Variants in PACRG observed in about 807,000 individuals in gnomAD.
PACRG encodes parkin coregulated gene protein.
A neutral mutation model predicts 29.7 loss-of-function variants in PACRG; 29 were observed. That is an observed-to-expected ratio of 0.98 (90% CI 0.73 to 1.33). The LOEUF is 1.33. PACRG is among the 40% of genes most tolerant of loss of function. PACRG has a pLI of 0.00. For missense variants in PACRG, 279 were observed against 316.2 expected (o/e 0.88, Z 0.89); for synonymous variants, 116 against 118.7 (o/e 0.98, Z 0.15).
chr6:163,004,341 G>C (rs1408954489), intron 2 of PACRG, among the ~76,000 whole-genome samples: 1 of 151,748 alleles, frequency 6.6e-6, no homozygotes. Flanking sequence ...GCCTGAGACT[G>C]GGTAATTTAT....
At chr6:163,269,732 C>T (rs1783662267) in intron 4 of PACRG, among the ~76,000 whole-genome samples, 1 of 140,288 alleles carries the variant, frequency 7.1e-6, no homozygotes, top group South Asian at 2.3e-4. Context: ...GAGAATACCA[C>T]TGAGGGGGAA....
At chr6:162,832,348 CT>C (rs1788854769) in intron 2 of PACRG, among the ~76,000 whole-genome samples, 1 of 151,956 alleles carries the variant, frequency 6.6e-6, no homozygotes, top group Non-Finnish European at 1.5e-5. Flanking sequence ...TTGCCCACTT[CT>C]TAATGGGGTT....
chr6:163,033,666 T>C (rs1807880502), intron 2 of PACRG, among the ~76,000 whole-genome samples: 1 of 152,166 alleles, frequency 6.6e-6, no homozygotes, highest in Non-Finnish European at 1.5e-5. Context: ...TATAAATACA[T>C]AGAAAGATAA....
At chr6:162,806,524 C>T (rs907235989) in intron 1 of PACRG, among the ~76,000 whole-genome samples, 1 of 152,098 alleles carries the variant, frequency 6.6e-6, no homozygotes, top group African/African-American at 2.4e-5. Context: ...ACATTCATCT[C>T]CTTGTACATC....
In PACRG at chr6:163,177,710, A is replaced by ATTTTTTTTTTTTTTTT. The variant is rs398003265; in HGVS notation, c.613+88314_613+88329dup. On this transcript the variant is annotated intron_variant, in intron 4 of 4. Coordinates refer to ENST00000366888, the MANE Select transcript of PACRG (RefSeq NM_001080379.2). ...TGTTAGCTAAGAAATTAGAAAAGGG[A>ATTTTTTTTTTTTTTTT]TTTTTTTTTTTTTTTTTTTTTTTTT... Among the ~76,000 whole-genome samples, 534 of 53,746 alleles carry ATTTTTTTTTTTTTTTT rather than the reference A, an allele frequency of 9.9e-3. 115 individuals carry two copies. The highest frequency in any genetic ancestry group is 0.018 in the South Asian group (15 of 834). The allele number at this position is 53,746 out of a possible 152,430, so 35.3% of individuals were successfully genotyped here.
intron 4 of PACRG, among the ~76,000 whole-genome samples, chr6:163,281,873 TG>T (rs768346215): frequency 1.1e-4 from 16 of 152,204 alleles, no homozygotes; most frequent in Non-Finnish European, 2.1e-4. Context: ...ACCGATATCT[TG>T]ACAGCATTCT....
chr6:163,261,192 C>A (rs188295165), intron 4 of PACRG, among the ~76,000 whole-genome samples: 5 of 152,244 alleles, frequency 3.3e-5, no homozygotes, highest in African/African-American at 9.6e-5. Flanking sequence ...CCTCTTCTGC[C>A]CTCAGCTTAG....
chr6:163,181,293 G>A (rs1305360336), intron 4 of PACRG, among the ~76,000 whole-genome samples: 1 of 152,174 alleles, frequency 6.6e-6, no homozygotes, highest in Non-Finnish European at 1.5e-5. Context: ...GAAACAGGCA[G>A]CCTAGGAACT....
At chr6:163,018,963 T>G (rs1276645714) in intron 2 of PACRG, among the ~76,000 whole-genome samples, 2 of 152,214 alleles carry the variant, frequency 1.3e-5, no homozygotes, top group Admixed American at 1.3e-4. Flanking sequence ...TCTGTTATGA[T>G]TACTTTGTCT....
At chr6:162,908,749 G>A (rs1227715123) in intron 2 of PACRG, among the ~76,000 whole-genome samples, 2 of 152,194 alleles carry the variant, frequency 1.3e-5, no homozygotes, top group African/African-American at 4.8e-5. Flanking sequence ...GGCATACTTG[G>A]ATTAGCCAGA....
intron 2 of PACRG, among the ~76,000 whole-genome samples, chr6:162,916,903 G>T (rs1353207753): frequency 6.6e-6 from 1 of 152,084 alleles, no homozygotes; most frequent in African/African-American, 2.4e-5. Context: ...ATCAGCAGTG[G>T]TTAATGTGTG....
intron 1 of PACRG, among the ~76,000 whole-genome samples, chr6:162,739,329 A>AT (rs1780395801): frequency 6.6e-6 from 1 of 151,900 alleles, no homozygotes; most frequent in Non-Finnish European, 1.5e-5. Flanking sequence ...GCCTTTGCCC[A>AT]TTTTTTCTGT....
intron 1 of PACRG, among the ~76,000 whole-genome samples, chr6:162,797,718 C>T (rs1785503345): frequency 6.6e-6 from 1 of 152,130 alleles, no homozygotes; most frequent in African/African-American, 2.4e-5. Flanking sequence ...ACTCCCTTGC[C>T]AGACTTTACG....
At chr6:162,748,008 A>C (rs1781218201) in intron 1 of PACRG, among the ~76,000 whole-genome samples, 1 of 152,154 alleles carries the variant, frequency 6.6e-6, no homozygotes, top group Non-Finnish European at 1.5e-5. Context: ...CACTTTTCAT[A>C]ACAATTTAAG....
chr6:162,936,876 AT>A (rs1414636376), intron 2 of PACRG, among the ~76,000 whole-genome samples: 1 of 152,096 alleles, frequency 6.6e-6, no homozygotes, highest in African/African-American at 2.4e-5. Context: ...TTTCTAAAAT[AT>A]TTTAGAAATC....
intron 3 of PACRG, among the ~76,000 whole-genome samples, chr6:163,062,557 A>C (rs1198584065): frequency 1.3e-5 from 2 of 152,226 alleles, no homozygotes; most frequent in Non-Finnish European, 2.9e-5. Context: ...GTGCTAATTT[A>C]AAATGCCTCA....
intron 2 of PACRG, among the ~76,000 whole-genome samples, chr6:162,867,085 A>C (rs1402982429): frequency 6.6e-6 from 1 of 151,950 alleles, no homozygotes; most frequent in Non-Finnish European, 1.5e-5. Context: ...ATAGGTCTCC[A>C]CTCCTTGTCC....
intron 1 of PACRG, among the ~76,000 whole-genome samples, chr6:162,768,401 C>A (rs1006183245): frequency 2.6e-5 from 4 of 151,758 alleles, no homozygotes; most frequent in African/African-American, 4.8e-5. Context: ...TCTTTTTTAT[C>A]AGACAGTTTT....
chr6:163,084,536 A>G (rs578243329), intron 3 of PACRG, among the ~76,000 whole-genome samples: 2 of 152,278 alleles, frequency 1.3e-5, no homozygotes, highest in South Asian at 4.1e-4. Context: ...CAGCTACTGC[A>G]GAAGTTTTAG....
Sources: gnomAD v4.1 joint callset for allele counts (sites outside exome capture counted in the v4.1 genomes callset) on GRCh38, gnomAD v4.1.1 for gene constraint, MANE v1.5 for transcripts, NCBI Gene and HGNC (gene_info 2026-07-23, HGNC 2026-07-21) for gene names.